GNAL: variants seen among roughly 807,000 people sequenced by gnomAD.
GNAL encodes the protein G protein subunit alpha L.
GNAL carries 18 observed loss-of-function variants against 55.1 expected under a neutral mutation model. That is an observed-to-expected ratio of 0.33 (90% confidence interval 0.23 to 0.48). The LOEUF is 0.48. Among genes scored for constraint, GNAL ranks in the 20% least tolerant of loss-of-function variants. The pLI, the probability that GNAL is intolerant of heterozygous loss-of-function variation, is 0.99. For synonymous variants in GNAL, 253 were observed against 237.0 expected, an observed-to-expected ratio of 1.07 and a Z score of -0.62; for missense variants, 412 against 614.1, an observed-to-expected ratio of 0.67 and a Z score of 3.48.
chr18:11,715,081 G>T (rs2031923239), intron 1 of GNAL, among the ~76,000 whole-genome samples: 1 of 151,900 alleles, frequency 6.6e-6, no homozygotes, highest in African/African-American at 2.4e-5. Context: ...GCAGGTCAAG[G>T]CTGCAGTGAG....
intron 9 of GNAL, among the ~76,000 whole-genome samples, chr18:11,869,637 T>G (rs565501502): frequency 2.0e-5 from 3 of 152,250 alleles, no homozygotes; most frequent in African/African-American, 4.8e-5. Flanking sequence ...TAATACAAGA[T>G]TACAGTGGCA....
chr18:11,745,164 C>CT (rs1301930378), intron 1 of GNAL, among the ~76,000 whole-genome samples: 1 of 152,210 alleles, frequency 6.6e-6, no homozygotes, highest in Non-Finnish European at 1.5e-5. Context: ...TTGTGCTATA[C>CT]ATACATCTAG....
chr18:11,866,839 G>T (rs1369480458), intron 7 of GNAL, among the ~76,000 whole-genome samples: 1 of 140,038 alleles, frequency 7.1e-6, no homozygotes, highest in Non-Finnish European at 1.5e-5. Flanking sequence ...TGTCTGAGCA[G>T]GTAACCTCTA....
chr18:11,753,114 G>GA (rs967320425), intron 2 of GNAL, among the ~76,000 whole-genome samples, 189 bp downstream of exon 2: 5 of 151,254 alleles, frequency 3.3e-5, no homozygotes, highest in East Asian at 1.9e-4. Flanking sequence ...AGTGTCTAAT[G>GA]AAAAAAAAAC....
In GNAL at chr18:11,876,676, G is replaced by C. The variant is rs143519580; in HGVS notation, c.1218G>C (p.Arg406=). Residue 406 remains arginine (R), a synonymous_variant, in exon 11 of 12, where the codon CGG becomes CGC. Transcript: ENST00000334049. ...TTACAAGAGCCAAGTTCTTTATCCG[G>C]GACCTGTTTTTGGTAAGCAATTTTG... ...PKVTRAKFFI[R]DLFLRISTAT... 227 of 1,601,164 alleles carry C rather than the reference G, an allele frequency of 1.4e-4. No homozygotes were observed. The African/African-American group carries it at 2.8e-3, about 20-fold the overall frequency.
intron 4 of GNAL, among the ~76,000 whole-genome samples, chr18:11,756,556 G>A (rs576278207): frequency 6.6e-6 from 1 of 151,464 alleles, no homozygotes; most frequent in South Asian, 2.1e-4. Flanking sequence ...TTTTAACATA[G>A]CCCCGACTTA....
At chr18:11,873,130 A>G (rs970335363) in intron 10 of GNAL, among the ~76,000 whole-genome samples, 1 of 152,224 alleles carries the variant, frequency 6.6e-6, no homozygotes, top group Non-Finnish European at 1.5e-5. Flanking sequence ...GGCTCATAGG[A>G]GTGATTTAAG....
chr18:11,788,636 C>T (rs543843029), intron 4 of GNAL, among the ~76,000 whole-genome samples: 87 of 151,954 alleles, frequency 5.7e-4, no homozygotes, highest in South Asian at 1.2e-3. Flanking sequence ...CTTTGGAAGA[C>T]GGAGGCAGGC....
chr18:11,769,054 AAT>A (rs1164615325), intron 4 of GNAL, among the ~76,000 whole-genome samples: 5 of 101,490 alleles, frequency 4.9e-5, no homozygotes, highest in Admixed American at 1.2e-4. Flanking sequence ...TAATATATAT[AAT>A]ATATATTATA....
intron 4 of GNAL, among the ~76,000 whole-genome samples, chr18:11,804,833 C>G (rs1397956697): frequency 8.8e-6 from 1 of 114,144 alleles, no homozygotes; most frequent in Admixed American, 8.2e-5. Context: ...GAGTGGAACA[C>G]GGAGATACTG....
intron 11 of GNAL, among the ~76,000 whole-genome samples, chr18:11,879,347 G>T (rs1344395206): frequency 1.3e-5 from 2 of 151,980 alleles, no homozygotes; most frequent in African/African-American, 4.8e-5. Flanking sequence ...GGATTCTCGT[G>T]GCACCAAGGA....
At chr18:11,845,269 G>A (rs377083749) in intron 5 of GNAL, among the ~76,000 whole-genome samples, 31 of 152,184 alleles carry the variant, frequency 2.0e-4, no homozygotes, top group Admixed American at 5.2e-4. Flanking sequence ...GATTTGTACC[G>A]TATTACGCCA....
intron 4 of GNAL, among the ~76,000 whole-genome samples, chr18:11,805,507 C>T (rs2034635994): frequency 6.6e-6 from 1 of 152,074 alleles, no homozygotes; most frequent in Non-Finnish European, 1.5e-5. Context: ...CTACCCCCCA[C>T]CAACCCCCTC....
At chr18:11,827,223 A>G (rs1210626215) in intron 5 of GNAL, among the ~76,000 whole-genome samples, 1 of 152,188 alleles carries the variant, frequency 6.6e-6, no homozygotes, top group Non-Finnish European at 1.5e-5. Flanking sequence ...ACCTGCTGCA[A>G]ACACCCTCAG....
chr18:11,717,153 GC>G (rs1188464546), intron 1 of GNAL, among the ~76,000 whole-genome samples: 1 of 152,252 alleles, frequency 6.6e-6, no homozygotes, highest in Non-Finnish European at 1.5e-5. Context: ...CAGGTGCTAA[GC>G]CCCTCACTGT....
intron 4 of GNAL, among the ~76,000 whole-genome samples, chr18:11,775,041 T>C (rs1259737965): frequency 6.6e-6 from 1 of 152,152 alleles, no homozygotes; most frequent in Non-Finnish European, 1.5e-5. Context: ...TGGCCATCGC[T>C]CGGCTCAGCC....
chr18:11,769,279 G>C (rs1330446524), intron 4 of GNAL, among the ~76,000 whole-genome samples: 2 of 149,688 alleles, frequency 1.3e-5, no homozygotes, highest in African/African-American at 4.9e-5. Flanking sequence ...GTATAGACTA[G>C]ACATTCTGTA....
chr18:11,880,297 A>T (rs940235883), intron 11 of GNAL, among the ~76,000 whole-genome samples: 1 of 136,830 alleles, frequency 7.3e-6, no homozygotes, highest in Non-Finnish European at 1.6e-5. Flanking sequence ...GGTGGGGCAC[A>T]GTGGCTCATG....
At chr18:11,703,618 C>T in intron 1 of GNAL, among the ~76,000 whole-genome samples, 1 of 152,160 alleles carries the variant, frequency 6.6e-6, no homozygotes, top group East Asian at 1.9e-4. Flanking sequence ...AAAAAGCATG[C>T]CGAGCTGTGG....
Sources: allele counts gnomAD v4.1 joint callset (sites outside exome capture counted in the v4.1 genomes callset), GRCh38; gene constraint gnomAD v4.1.1; transcripts MANE v1.5; gene names NCBI Gene and HGNC (gene_info 2026-07-23, HGNC 2026-07-21).